The following WWOX variants were observed in gnomAD, a reference collection of about 807,000 sequenced individuals.
WWOX encodes the protein WW domain-containing oxidoreductase.
A neutral mutation model predicts 46.2 loss-of-function variants in WWOX; 69 were observed. The observed-to-expected ratio is 1.49, with a 90% CI of 1.23 to 1.82. The LOEUF (loss-of-function observed/expected upper bound fraction) is 1.82, where lower values mean the gene tolerates loss of function less well. WWOX is among the 40% of genes most tolerant of loss of function. The pLI is 0.00. For synonymous variants in WWOX, 359 were observed against 202.6 expected, an observed-to-expected ratio of 1.77 and a Z score of -6.56; for missense variants, 919 against 542.6, an observed-to-expected ratio of 1.69 and a Z score of -6.89.
At chr16:79,119,621 C>T (rs1213802895) in intron 8 of WWOX, among the ~76,000 whole-genome samples, 1 of 152,160 alleles carries the variant, frequency 6.6e-6, no homozygotes, top group African/African-American at 2.4e-5. Flanking sequence ...AATAATGTGC[C>T]AGCGGCACAC....
At position 79,155,433 on chromosome 16, in the gene WWOX, A is replaced by G. The variant is rs552503032; in HGVS notation, c.1057-56175A>G. Among the ~76,000 whole-genome samples, 11 of 152,270 alleles carry G rather than the reference A, an allele frequency of 7.2e-5. No individual in the cohort carries two copies. The South Asian group carries it at 2.3e-3, about 32-fold the overall frequency. On this transcript the variant is annotated intron_variant, in intron 8 of 8. Transcript: ENST00000566780. ...AGAGAGTAAAATATTTTAGACTTTG[A>G]AGTCTAAGAGACAAAATTGAGGTTA... is the stretch of plus-strand genomic sequence containing the variant.
rs565295116 is a variant in WWOX, at chr16:78,796,539, C to G, written c.1056+363787C>G. ...AGAAATGTTTTCAGTGAACACATTG[C>G]CTTCTCAGGCTTGCTTTCTATTGTA... is the stretch of plus-strand genomic sequence containing the variant. On this transcript the variant is annotated intron_variant, in intron 8 of 8. Coordinates refer to ENST00000566780, the MANE Select transcript of WWOX (RefSeq NM_016373.4). 6.6e-5 allele frequency among the ~76,000 whole-genome samples: 10 copies of G among 152,366 alleles called. No homozygotes were observed. The South Asian group carries it at 1.7e-3, about 25-fold the overall frequency.
intron 8 of WWOX, among the ~76,000 whole-genome samples, chr16:79,167,293 T>A (rs368279535): frequency 3.3e-5 from 5 of 152,196 alleles, no homozygotes; most frequent in African/African-American, 9.7e-5. Context: ...GAAGCAAATA[T>A]GACAAAATGC....
chr16:79,102,425 G>C (rs150147529), intron 8 of WWOX, among the ~76,000 whole-genome samples: 2 of 152,188 alleles, frequency 1.3e-5, no homozygotes, highest in East Asian at 1.9e-4. Flanking sequence ...GAGCTGGTGT[G>C]TGCTAATACA....
intron 8 of WWOX, among the ~76,000 whole-genome samples, chr16:78,462,756 A>C (rs2083981443): frequency 6.6e-6 from 1 of 152,218 alleles, no homozygotes; most frequent in African/African-American, 2.4e-5. Context: ...CAGTTGTTGT[A>C]AACTCGTCCT....
At position 78,780,371 on chromosome 16, in the gene WWOX, C is replaced by T. The variant is rs565516697; in HGVS notation, c.1056+347619C>T. 2.7e-3 allele frequency: 404 copies of T among 151,608 alleles called. 2 individuals are homozygous for T. Among genetic ancestry groups the T allele is most frequent in the African/African-American group, 9.6e-3 (391 of 40,914 alleles). 9.4% of individuals were successfully genotyped at this position (151,608 alleles called of 1,614,324 possible). ...ACTGGTTGATTAATTCATTCATTCA[C>T]TGGTTAATTAATTAATTCATGTCAT... On this transcript the variant is annotated intron_variant, in intron 8 of 8. Transcript: ENST00000566780.
intron 6 of WWOX, 103 bp downstream of exon 6, chr16:78,387,051 G>C: frequency 1.6e-6 from 2 of 1,241,286 alleles, no homozygotes; most frequent in Non-Finnish European, 2.4e-6. Flanking sequence ...GTGTTGTCTT[G>C]GCGTCCAAAC....
At chr16:79,176,189 C>CA (rs575791222) in intron 8 of WWOX, among the ~76,000 whole-genome samples, 59 of 152,258 alleles carry the variant, frequency 3.9e-4, no homozygotes, top group African/African-American at 1.3e-3. Context: ...CTGAAACCCC[C>CA]AAAGGGGGAT....
chr16:78,130,988 C>T (rs941815300), intron 4 of WWOX, among the ~76,000 whole-genome samples: 4 of 152,178 alleles, frequency 2.6e-5, no homozygotes, highest in Non-Finnish European at 4.4e-5. Context: ...CCTGTTGCTT[C>T]CAGGCTGCAA....
chr16:78,521,548 A>T (rs1405495878), intron 8 of WWOX, among the ~76,000 whole-genome samples: 2 of 152,184 alleles, frequency 1.3e-5, no homozygotes, highest in African/African-American at 4.8e-5. Context: ...CGTTAAATAG[A>T]GTTCTACTTA....
intron 5 of WWOX, among the ~76,000 whole-genome samples, chr16:78,319,991 C>G (rs1269957675): frequency 6.6e-6 from 1 of 152,182 alleles, no homozygotes; most frequent in Non-Finnish European, 1.5e-5. Context: ...TGTAAACTCT[C>G]ATTATATCTT....
chr16:78,781,821 A>G (rs185753923), intron 8 of WWOX, among the ~76,000 whole-genome samples: 67 of 152,324 alleles, frequency 4.4e-4, no homozygotes, highest in African/African-American at 1.5e-3. Flanking sequence ...TTCTAAGTAG[A>G]AGTAATGATG....
chr16:78,789,426 T>C (rs113334823), intron 8 of WWOX, among the ~76,000 whole-genome samples: 38 of 152,328 alleles, frequency 2.5e-4, no homozygotes, highest in African/African-American at 8.4e-4. Flanking sequence ...TATTAAATGG[T>C]CTTTGCACCC....
At chr16:78,381,989 C>T (rs1019234025) in intron 5 of WWOX, among the ~76,000 whole-genome samples, 3 of 152,188 alleles carry the variant, frequency 2.0e-5, no homozygotes, top group Non-Finnish European at 2.9e-5. Context: ...CCGCAGCCTC[C>T]TGTGTAGCAG....
chr16:78,736,870 A>T (rs1197248151), intron 8 of WWOX, among the ~76,000 whole-genome samples: 1 of 152,190 alleles, frequency 6.6e-6, no homozygotes, highest in Middle Eastern at 3.4e-3. Flanking sequence ...CAGAATCCCA[A>T]AGTGCTGGGA....
At chr16:78,575,071 A>ATATATATATT (rs2044840226) in intron 8 of WWOX, among the ~76,000 whole-genome samples, 1 of 28,492 alleles carries the variant, frequency 3.5e-5, no homozygotes, top group Non-Finnish European at 6.4e-5. Flanking sequence ...ATATATATAT[A>ATATATATATT]TATATATATA....
intron 8 of WWOX, among the ~76,000 whole-genome samples, chr16:78,636,330 C>T (rs577265989): frequency 7.2e-5 from 11 of 152,224 alleles, no homozygotes; most frequent in South Asian, 2.1e-4. Context: ...AGACCCCCAC[C>T]TTTGAATAAA....
At chr16:78,527,425 C>T (rs1293387853) in intron 8 of WWOX, among the ~76,000 whole-genome samples, 4 of 151,742 alleles carry the variant, frequency 2.6e-5, no homozygotes, top group African/African-American at 9.7e-5. Context: ...CCCTGAGTAG[C>T]TGGGACTATA....
chr16:79,102,890 G>A (rs1248135996), intron 8 of WWOX, among the ~76,000 whole-genome samples: 3 of 151,228 alleles, frequency 2.0e-5, no homozygotes, highest in South Asian at 2.1e-4. Context: ...ACTTGGGCAC[G>A]CACATGCAAC....
Sources: gnomAD v4.1 joint callset for allele counts (sites outside exome capture counted in the v4.1 genomes callset) on GRCh38, gnomAD v4.1.1 for gene constraint, MANE v1.5 for transcripts, NCBI Gene and HGNC (gene_info 2026-07-23, HGNC 2026-07-21) for gene names.